Variants in NHSL1 observed in about 807,000 individuals in gnomAD.
NHSL1 encodes the protein NHS-like protein 1.
NHSL1 carries 48 observed loss-of-function variants against 95.0 expected under a neutral mutation model. The observed-to-expected ratio is 0.51, with a 90% CI of 0.40 to 0.64. The LOEUF is 0.64. NHSL1 is among the 30% of genes least tolerant of loss of function. The pLI is 0.00. For missense variants in NHSL1, 1,971 were observed against 2,077.7 expected (o/e 0.95, Z 1.00); for synonymous variants, 783 against 833.9 (o/e 0.94, Z 1.05).
At position 138,422,429 on chromosome 6, in the gene NHSL1, G is replaced by A. The variant is rs1052855356; in HGVS notation, c.*1652C>T. The A allele has an allele frequency of 5.9e-5, 9 of 152,248 alleles. No homozygotes were observed. The highest frequency in any genetic ancestry group is 1.2e-4 in the Non-Finnish European group (8 of 68,010). The allele number at this position is 152,248 out of a possible 1,614,324, so 9.4% of individuals were successfully genotyped here. A position where few individuals can be genotyped will look rare whatever the true frequency, so the allele number is the denominator to read the frequency against. ...AGACATTTCTATATGGGTATCTAAA[G>A]TTTTAGTTTATAAGTCTCATAATGA... On this transcript the variant is annotated 3_prime_UTR_variant, in exon 8 of 8. Coordinates refer to ENST00000343505, the MANE Select transcript of NHSL1 (RefSeq NM_001144060.2).
At chr6:138,584,934 G>A (rs984135420) in intron 1 of NHSL1, among the ~76,000 whole-genome samples, 2 of 152,134 alleles carry the variant, frequency 1.3e-5, no homozygotes, top group Non-Finnish European at 1.5e-5. Flanking sequence ...CAGAGCTGCC[G>A]CAAAATGCAC....
At chr6:138,541,952 T>A (rs540870642) in intron 1 of NHSL1, among the ~76,000 whole-genome samples, 1 of 152,340 alleles carries the variant, frequency 6.6e-6, no homozygotes, top group East Asian at 1.9e-4. Context: ...TATGTGATTT[T>A]ACATGCGGTC....
chr6:138,551,037 G>C (rs1782983127), intron 1 of NHSL1, among the ~76,000 whole-genome samples: 1 of 152,142 alleles, frequency 6.6e-6, no homozygotes, highest in Admixed American at 6.5e-5. Flanking sequence ...TTAAAACAGA[G>C]AGAGATATCA....
intron 1 of NHSL1, among the ~76,000 whole-genome samples, chr6:138,520,474 G>A (rs1426234870): frequency 6.6e-6 from 1 of 151,850 alleles, no homozygotes; most frequent in Non-Finnish European, 1.5e-5. Flanking sequence ...ATTTTTAGTA[G>A]AGATGGGGTT....
At chr6:138,545,835 C>T, upstream of NHSL1, 1 of 1,150,634 alleles carries the variant, frequency 8.7e-7, no homozygotes, top group Non-Finnish European at 1.1e-6. Flanking sequence ...CCTATCTCTC[C>T]TGGGTTATTT....
At chr6:138,425,855 C>A (rs769539470) in intron 7 of NHSL1, among the ~76,000 whole-genome samples, 1 of 149,886 alleles carries the variant, frequency 6.7e-6, no homozygotes, top group South Asian at 2.1e-4. Context: ...AAAACAAAGG[C>A]GAACCCTCCA....
intron 1 of NHSL1, among the ~76,000 whole-genome samples, chr6:138,616,675 G>A (rs560726763): frequency 1.3e-5 from 2 of 152,298 alleles, no homozygotes; most frequent in East Asian, 3.9e-4. Context: ...AGATCATAGA[G>A]CCCACCTGAC....
At chr6:138,614,474 T>C (rs1192887565) in intron 1 of NHSL1, among the ~76,000 whole-genome samples, 1 of 152,212 alleles carries the variant, frequency 6.6e-6, no homozygotes, top group Non-Finnish European at 1.5e-5. Context: ...ATCTGTTACT[T>C]GCAGCTGCAT....
intron 3 of NHSL1, among the ~76,000 whole-genome samples, chr6:138,455,754 AGC>A (rs777791231): frequency 0.78 from 117,987 of 152,134 alleles, 46,970 homozygotes; most frequent in East Asian, 0.93. Context: ...TGAACAAGCT[AGC>A]AATAGCATAA....
At chr6:138,501,211 A>G (rs1780656344), upstream of NHSL1, among the ~76,000 whole-genome samples, 1 of 152,228 alleles carries the variant, frequency 6.6e-6, no homozygotes, top group South Asian at 2.1e-4. Context: ...CATGTGCTCA[A>G]CAATGGCATC....
At chr6:138,518,798 G>T (rs541518715) in intron 1 of NHSL1, among the ~76,000 whole-genome samples, 3 of 152,032 alleles carry the variant, frequency 2.0e-5, no homozygotes, top group Non-Finnish European at 4.4e-5. Flanking sequence ...CCAGCAGATC[G>T]CCTGAGGTCA....
At chr6:138,511,765 G>A (rs1300546937) in intron 1 of NHSL1, among the ~76,000 whole-genome samples, 2 of 152,052 alleles carry the variant, frequency 1.3e-5, no homozygotes, top group Non-Finnish European at 1.5e-5. Context: ...GCAAAAACCC[G>A]TCTCTACAAA....
chr6:138,502,038 G>A (rs1435320116), upstream of NHSL1, among the ~76,000 whole-genome samples: 1 of 152,146 alleles, frequency 6.6e-6, no homozygotes, highest in Admixed American at 6.5e-5. Flanking sequence ...GATATGGAGA[G>A]CCAACTGTAC....
At chr6:138,638,357 C>G (rs1235232662) in intron 1 of NHSL1, among the ~76,000 whole-genome samples, 1 of 152,034 alleles carries the variant, frequency 6.6e-6, no homozygotes, top group African/African-American at 2.4e-5. Context: ...GTTTGTAACA[C>G]AAAGAATAAA....
chr6:138,474,530 AGGACAAC>A (rs1386329945), intron 2 of NHSL1, among the ~76,000 whole-genome samples: 1 of 152,176 alleles, frequency 6.6e-6, no homozygotes, highest in Non-Finnish European at 1.5e-5. Context: ...AGGGAGTGGA[AGGACAAC>A]GTTTACAATT....
intron 2 of NHSL1, among the ~76,000 whole-genome samples, chr6:138,493,906 CT>C (rs1454799060): frequency 1.3e-5 from 2 of 152,144 alleles, no homozygotes; most frequent in Non-Finnish European, 2.9e-5. Flanking sequence ...TGCCATTCTT[CT>C]TATTTAAGAC....
At position 138,692,513 on chromosome 6, in the gene NHSL1, G is replaced by T; in HGVS notation, c.60C>A (p.Ala20=). ...GGCGGTGGTCCAGGCGCGCAGCGGC[G>T]GCTTGCAGGGCGTCGAGGCGGCGGT... Residue 20 remains alanine, a synonymous_variant, in exon 1 of 4, where the codon GCC becomes GCA. Coordinates refer to the NHSL1 transcript ENST00000491526. This position sits in a 1 kb window ranked among gnomAD's most constrained non-coding sequence, Gnocchi z 4.0. 1 of 198,432 alleles carries T rather than the reference G, an allele frequency of 5.0e-6. No homozygotes were observed. Among genetic ancestry groups the T allele is most frequent in the Non-Finnish European group, 1.0e-5 (1 of 99,598 alleles). The allele number at this position is 198,432 out of a possible 1,614,324, so 12.3% of individuals were successfully genotyped here. A position where few individuals can be genotyped will look rare whatever the true frequency, so the allele number is the denominator to read the frequency against.
intron 4 of NHSL1, among the ~76,000 whole-genome samples, chr6:138,446,539 A>C (rs982065821): frequency 1.3e-5 from 2 of 152,212 alleles, no homozygotes; most frequent in African/African-American, 2.4e-5. Context: ...AGAAGAAATA[A>C]GTAATGTCTC....
chr6:138,545,922 C>G (rs1274244372), upstream of NHSL1: 3 of 724,034 alleles, frequency 4.1e-6, no homozygotes, highest in Admixed American at 1.3e-4. Flanking sequence ...TCATATAGTC[C>G]AGTGCAGATC....
Sources: allele counts gnomAD v4.1 joint callset (sites outside exome capture counted in the v4.1 genomes callset), GRCh38; gene constraint gnomAD v4.1.1; non-coding constraint Gnocchi (gnomAD v3.1); transcripts MANE v1.5; gene names NCBI Gene and HGNC (gene_info 2026-07-23, HGNC 2026-07-21).